HOMER1: variants seen among roughly 807,000 people sequenced by gnomAD.
The protein encoded by HOMER1 is homer scaffold protein 1.
HOMER1 carries 3 observed loss-of-function variants against 48.9 expected under a neutral mutation model. The ratio of observed to expected loss-of-function variants is 0.06; its 90% CI spans 0.03 to 0.16. HOMER1 has a LOEUF of 0.16. HOMER1 is among the 10% of genes least tolerant of loss of function. The pLI, the probability that HOMER1 is intolerant of heterozygous loss-of-function variation, is 1.00. For missense variants in HOMER1, 247 were observed against 411.4 expected (o/e 0.60, Z 3.46); for synonymous variants, 134 against 146.4 (o/e 0.92, Z 0.61).
intron 5 of HOMER1, among the ~76,000 whole-genome samples, chr5:79,408,296 T>C (rs73120343): frequency 0.21 from 31,765 of 152,094 alleles, 3,444 homozygotes; most frequent in South Asian, 0.32. Context: ...ATTCTACACA[T>C]AGGAAAAATA....
At chr5:79,438,217 T>C (rs1750647259) in intron 5 of HOMER1, among the ~76,000 whole-genome samples, 1 of 152,218 alleles carries the variant, frequency 6.6e-6, no homozygotes, top group Non-Finnish European at 1.5e-5. Context: ...TTTTCCTAAC[T>C]TTAACTAAAA....
Position 79,451,135 on chromosome 5 carries a change from C to G in HOMER1, c.163-14G>C. 1 of 1,605,064 alleles carries G rather than the reference C, an allele frequency of 6.2e-7. No homozygotes were observed. The highest frequency in any genetic ancestry group is 8.5e-7 in the Non-Finnish European group (1 of 1,173,288). ...ATTTATTATTGCCTAAAAAATAAAGCAAGTATGAGCAACCAGCAAAAAATC... is the reference window on the plus strand; with the variant it reads ...ATTTATTATTGCCTAAAAAATAAAGGAAGTATGAGCAACCAGCAAAAAATC... On this transcript the variant is annotated splice_polypyrimidine_tract_variant and intron_variant, in intron 2 of 8. Coordinates refer to ENST00000334082, the MANE Select transcript of HOMER1 (RefSeq NM_004272.5).
At chr5:79,412,729 A>G (rs1044556035) in intron 5 of HOMER1, among the ~76,000 whole-genome samples, 3 of 152,238 alleles carry the variant, frequency 2.0e-5, no homozygotes, top group Admixed American at 6.5e-5. Context: ...TAGACAAAAT[A>G]TCTGGAATAC....
At chr5:79,393,916 A>T (rs1580420692) in intron 8 of HOMER1, among the ~76,000 whole-genome samples, 2 of 152,166 alleles carry the variant, frequency 1.3e-5, no homozygotes, top group African/African-American at 4.8e-5. Flanking sequence ...TTATAAAGAA[A>T]ATATTATCTA....
chr5:79,450,647 G>T (rs182307980), intron 3 of HOMER1, among the ~76,000 whole-genome samples: 1 of 152,180 alleles, frequency 6.6e-6, no homozygotes, highest in African/African-American at 2.4e-5. Flanking sequence ...CAATTCAAAA[G>T]AGCTTGGTAT....
intron 5 of HOMER1, among the ~76,000 whole-genome samples, chr5:79,432,095 C>T (rs1750441873): frequency 6.6e-6 from 1 of 152,222 alleles, no homozygotes; most frequent in South Asian, 2.1e-4. Context: ...AAATGTCACA[C>T]ATTTTGTGGC....
chr5:79,439,057 T>C lies in HOMER1; in HGVS notation c.480A>G (p.Ser160=), dbSNP rs111392733. 1.9e-5 allele frequency: 30 copies of C among 1,614,012 alleles called. No individual in the cohort carries two copies. In the African/African-American group the frequency reaches 3.5e-4, roughly 19 times the overall value. ...TCTGAGTTGGTTCAGCCCTTGGCTC[T>C]GAGTTCTGTGTCACATCAGGTGTTC... ...DERTPDVTQN[S]EPRAEPTQNA... is the part of the protein sequence containing the mutation. The change falls in exon 5 of 9, where the codon TCA becomes TCG. Residue 160 remains serine (S), a synonymous_variant. Coordinates refer to ENST00000334082, the MANE Select transcript of HOMER1 (RefSeq NM_004272.5).
chr5:79,481,146 T>C (rs1231705613), intron 1 of HOMER1, among the ~76,000 whole-genome samples: 1 of 152,198 alleles, frequency 6.6e-6, no homozygotes, highest in Admixed American at 6.5e-5. Flanking sequence ...TGGGCAGCAC[T>C]TTCAGAGTCT....
At chr5:79,434,707 A>C (rs1750526387) in intron 5 of HOMER1, among the ~76,000 whole-genome samples, 1 of 151,954 alleles carries the variant, frequency 6.6e-6, no homozygotes, top group Non-Finnish European at 1.5e-5. Flanking sequence ...GTATTAATTC[A>C]CTGAAGCTTA....
At chr5:79,447,551 T>TGTAAACTTGTAAACATCAC in intron 3 of HOMER1, among the ~76,000 whole-genome samples, 1 of 152,228 alleles carries the variant, frequency 6.6e-6, no homozygotes, top group Middle Eastern at 3.2e-3. Flanking sequence ...TCACAGTATT[T>TGTAAACTTGTAAACATCAC]AGAAAATGCT....
intron 8 of HOMER1, among the ~76,000 whole-genome samples, 180 bp from the exon 9 acceptor site, chr5:79,376,377 C>T (rs901095713): frequency 5.9e-5 from 9 of 152,094 alleles, no homozygotes; most frequent in African/African-American, 2.2e-4. Flanking sequence ...GAGAGCAATA[C>T]GATTTTAATG....
intron 5 of HOMER1, among the ~76,000 whole-genome samples, chr5:79,430,595 C>T (rs1750394968): frequency 6.6e-6 from 1 of 152,156 alleles, no homozygotes. Flanking sequence ...AATATTGGAA[C>T]TTTCAAAAAG....
At chr5:79,401,082 T>C (rs920694704) in intron 6 of HOMER1, among the ~76,000 whole-genome samples, 1 of 151,952 alleles carries the variant, frequency 6.6e-6, no homozygotes, top group African/African-American at 2.4e-5. Flanking sequence ...TGGTTTTCTT[T>C]TTCTGCACCA....
chr5:79,425,915 T>C (rs1392566042), intron 5 of HOMER1, among the ~76,000 whole-genome samples: 1 of 152,076 alleles, frequency 6.6e-6, no homozygotes, highest in Non-Finnish European at 1.5e-5. Flanking sequence ...ATATGCTTTC[T>C]GAAAACACTT....
chr5:79,406,444 A>G (rs1749665037), intron 5 of HOMER1, among the ~76,000 whole-genome samples: 1 of 152,224 alleles, frequency 6.6e-6, no homozygotes, highest in Non-Finnish European at 1.5e-5. Context: ...AGCCAGAGAT[A>G]CAAAAGGGAA....
rs1260017721 is a variant in HOMER1 at position 79,503,442 on chromosome 5, A to G, written c.5+9328T>C. Among the ~76,000 whole-genome samples the G allele has an allele frequency of 2.0e-5, 3 of 151,430 alleles. No homozygotes were observed. The East Asian group carries it at 5.9e-4, about 30-fold the overall frequency. On this transcript the variant is annotated intron_variant, in intron 1 of 8. Coordinates refer to ENST00000334082, the MANE Select transcript of HOMER1 (RefSeq NM_004272.5). ...CTACTCAGGAGGCTGAGACAAGAGA[A>G]TCACTTGAACCCAGGAGGCGAGATT...
At chr5:79,411,050 G>A (rs1433461068) in intron 5 of HOMER1, among the ~76,000 whole-genome samples, 2 of 152,136 alleles carry the variant, frequency 1.3e-5, no homozygotes, top group African/African-American at 4.8e-5. Context: ...CTTTATTCTT[G>A]TGGCTGTTCA....
chr5:79,503,490 C>A (rs559302701), intron 1 of HOMER1, among the ~76,000 whole-genome samples: 1 of 147,394 alleles, frequency 6.8e-6, no homozygotes, highest in East Asian at 2.0e-4. Flanking sequence ...GATCATGCCA[C>A]TGCACTCCAG....
chr5:79,413,205 AAG>A (rs1356813958), intron 5 of HOMER1, among the ~76,000 whole-genome samples: 4 of 151,792 alleles, frequency 2.6e-5, no homozygotes, highest in African/African-American at 7.3e-5. Context: ...AAATAAGAGA[AAG>A]AGTACAGTTC....
Sources: gnomAD v4.1 joint callset for allele counts (sites outside exome capture counted in the v4.1 genomes callset) on GRCh38, gnomAD v4.1.1 for gene constraint, MANE v1.5 for transcripts, NCBI Gene and HGNC (gene_info 2026-07-23, HGNC 2026-07-21) for gene names.